The following CNOT6L variants were observed in gnomAD, a reference collection of about 807,000 sequenced individuals.
The protein encoded by CNOT6L is CCR4-NOT transcription complex subunit 6-like.
CNOT6L carries 7 observed loss-of-function variants against 64.0 expected under a neutral mutation model. That is an observed-to-expected ratio of 0.11 (90% CI 0.06 to 0.21). The LOEUF is 0.21. Ranked by LOEUF, CNOT6L falls within the 10% of genes least tolerant of loss-of-function variation. The pLI is 1.00. For synonymous variants in CNOT6L, 193 were observed against 243.4 expected, an observed-to-expected ratio of 0.79 and a Z score of 1.93; for missense variants, 245 against 669.0, an observed-to-expected ratio of 0.37 and a Z score of 6.99.
At chr4:77,731,625 C>G (rs2109895059) in intron 8 of CNOT6L, 87 bp from the exon 9 acceptor site, 1 of 982,584 alleles carries the variant, frequency 1.0e-6, no homozygotes, top group East Asian at 2.7e-5. Context: ...GCATTGTCTC[C>G]CTTGTCATTT....
At chr4:77,798,061 CCT>C (rs568610675) in intron 1 of CNOT6L, among the ~76,000 whole-genome samples, 190 of 152,286 alleles carry the variant, frequency 1.2e-3, no homozygotes, top group Middle Eastern at 6.8e-3. Context: ...CATGGTGGCT[CCT>C]GTCTGTAATC....
chr4:77,812,068 T>C (rs1257519074), intron 1 of CNOT6L, among the ~76,000 whole-genome samples: 1 of 152,122 alleles, frequency 6.6e-6, no homozygotes, highest in Admixed American at 6.5e-5. Context: ...TGCATCCATA[T>C]TGGAAAAGCA....
intron 11 of CNOT6L, among the ~76,000 whole-genome samples, chr4:77,725,542 C>A (rs1260464102): frequency 6.6e-6 from 1 of 152,118 alleles, no homozygotes; most frequent in East Asian, 1.9e-4. Context: ...GTACAATCAG[C>A]CTTTCCATTT....
At chr4:77,804,949 G>GT (rs1560437190) in intron 1 of CNOT6L, among the ~76,000 whole-genome samples, 1 of 152,136 alleles carries the variant, frequency 6.6e-6, no homozygotes, top group Non-Finnish European at 1.5e-5. Flanking sequence ...CTACCACTTA[G>GT]CCTTGAACAA....
At chr4:77,774,317 A>C (rs1235141537) in intron 3 of CNOT6L, among the ~76,000 whole-genome samples, 3 of 152,142 alleles carry the variant, frequency 2.0e-5, no homozygotes, top group Admixed American at 1.3e-4. Flanking sequence ...TTTGTCAAGG[A>C]AACTGGTAAT....
intron 1 of CNOT6L, among the ~76,000 whole-genome samples, chr4:77,817,503 A>G (rs1467608768): frequency 6.6e-6 from 1 of 152,244 alleles, no homozygotes; most frequent in East Asian, 1.9e-4. Context: ...CATGCCAAAC[A>G]TATGTTTTCT....
intron 11 of CNOT6L, among the ~76,000 whole-genome samples, chr4:77,722,539 G>A (rs983352388): frequency 1.3e-5 from 2 of 152,128 alleles, no homozygotes; most frequent in African/African-American, 4.8e-5. Flanking sequence ...CTCCAGCCTG[G>A]GCGACAAACC....
chr4:77,765,080 T>G (rs1036644538), intron 4 of CNOT6L, among the ~76,000 whole-genome samples: 2 of 152,118 alleles, frequency 1.3e-5, no homozygotes, highest in Non-Finnish European at 2.9e-5. Flanking sequence ...ACAGGTTGCA[T>G]AAAGAAGCCG....
At position 77,720,265 on chromosome 4, in the gene CNOT6L, A is replaced by G; in HGVS notation, c.*166T>C. 1.5e-6 allele frequency: 1 copy of G among 673,234 alleles called. No homozygotes were observed. The highest frequency in any genetic ancestry group is 2.8e-5 in the East Asian group (1 of 35,978). The allele number at this position is 673,234 out of a possible 1,614,324, so 41.7% of individuals were successfully genotyped here. ...ACTTTGGTTCCAGCCCTACTGCCAA[A>G]TGATACCAATATGCACAAAAATGTA... is the stretch of plus-strand genomic sequence containing the variant. On this transcript the variant is annotated 3_prime_UTR_variant, in exon 12 of 12. Coordinates refer to ENST00000504123, the MANE Select transcript of CNOT6L (RefSeq NM_144571.3).
intron 1 of CNOT6L, among the ~76,000 whole-genome samples, chr4:77,794,324 C>G (rs781020643): frequency 6.6e-6 from 1 of 151,684 alleles, no homozygotes; most frequent in Non-Finnish European, 1.5e-5. Flanking sequence ...TCAAATGAAA[C>G]AAGAGTGCAA....
intron 9 of CNOT6L, among the ~76,000 whole-genome samples, chr4:77,730,992 G>T (rs1159185158): frequency 6.6e-6 from 1 of 152,028 alleles, no homozygotes; most frequent in Non-Finnish European, 1.5e-5. Flanking sequence ...AGAAACTAGA[G>T]GAAATGTGCC....
At chr4:77,792,224 A>C (rs1453350977) in intron 1 of CNOT6L, among the ~76,000 whole-genome samples, 4 of 152,186 alleles carry the variant, frequency 2.6e-5, no homozygotes, top group Non-Finnish European at 5.9e-5. Flanking sequence ...CATATAAAAA[A>C]GTATAGATTT....
chr4:77,807,042 A>G (rs575072284), intron 1 of CNOT6L, among the ~76,000 whole-genome samples: 9 of 152,118 alleles, frequency 5.9e-5, no homozygotes, highest in African/African-American at 1.9e-4. Context: ...AAACCTCACA[A>G]TCTTTTGTAT....
intron 9 of CNOT6L, among the ~76,000 whole-genome samples, chr4:77,729,911 T>C (rs1455252878): frequency 6.6e-6 from 1 of 152,128 alleles, no homozygotes; most frequent in Admixed American, 6.5e-5. Context: ...TATAAAACTA[T>C]TAATACATAT....
rs1235056979 is a variant in CNOT6L, at chr4:77,718,067, C to CTATT, written c.*2360_*2363dup. The CTATT allele has an allele frequency of 6.6e-6, 1 of 152,066 alleles. No individual in the cohort carries two copies. Among genetic ancestry groups the CTATT allele is most frequent in the Non-Finnish European group, 1.5e-5 (1 of 67,962 alleles). The allele number at this position is 152,066 out of a possible 1,614,324, so 9.4% of individuals were successfully genotyped here. On this transcript the variant is annotated 3_prime_UTR_variant, in exon 12 of 12. Transcript: ENST00000504123. ...TTTTATTTTTTCCCTCTACATTTAACTATTAAAAAAGTTTTTTATTAATAA... is the reference window on the plus strand; with the variant it reads ...TTTTATTTTTTCCCTCTACATTTAACTATTTATTAAAAAAGTTTTTTATTAATAA...
At chr4:77,780,187 T>C (rs1728700874) in intron 1 of CNOT6L, among the ~76,000 whole-genome samples, 1 of 152,230 alleles carries the variant, frequency 6.6e-6, no homozygotes, top group African/African-American at 2.4e-5. Context: ...AACAGTCTCA[T>C]ATACAGCTCA....
chr4:77,742,407 G>T, intron 7 of CNOT6L, 112 bp from the exon 8 acceptor site: 1 of 1,001,436 alleles, frequency 1.0e-6, no homozygotes, highest in Non-Finnish European at 1.5e-6. Flanking sequence ...AATTCACATA[G>T]CAAATATTAT....
chr4:77,790,054 G>A (rs1240468626), intron 1 of CNOT6L, among the ~76,000 whole-genome samples: 1 of 149,974 alleles, frequency 6.7e-6, no homozygotes, highest in Non-Finnish European at 1.5e-5. Context: ...TCTGTGCTCT[G>A]CCTATTTATC....
intron 11 of CNOT6L, among the ~76,000 whole-genome samples, chr4:77,725,210 T>C (rs1466271059): frequency 6.6e-6 from 1 of 152,222 alleles, no homozygotes; most frequent in Admixed American, 6.5e-5. Context: ...CGAATTTCTT[T>C]TCTTCCTCCT....
Sources: gnomAD v4.1 joint callset for allele counts (sites outside exome capture counted in the v4.1 genomes callset) on GRCh38, gnomAD v4.1.1 for gene constraint, MANE v1.5 for transcripts, NCBI Gene and HGNC (gene_info 2026-07-23, HGNC 2026-07-21) for gene names.